FMNL2: variants seen among roughly 807,000 people sequenced by gnomAD.
FMNL2 encodes formin like 2, also known as formin-like protein 2.
FMNL2 carries 51 observed loss-of-function variants against 130.2 expected under a neutral mutation model. The observed-to-expected ratio is 0.39, with a 90% confidence interval of 0.31 to 0.49. The LOEUF (loss-of-function observed/expected upper bound fraction) is 0.49. Among genes scored for constraint, FMNL2 ranks in the 20% least tolerant of loss-of-function variants. FMNL2 has a pLI of 0.85. For synonymous variants in FMNL2, 465 were observed against 467.1 expected, an observed-to-expected ratio of 1.00 and a Z score of 0.06; for missense variants, 977 against 1,316.2, an observed-to-expected ratio of 0.74 and a Z score of 3.99.
intron 1 of FMNL2, among the ~76,000 whole-genome samples, chr2:152,474,565 A>G (rs960481232): frequency 6.6e-6 from 1 of 152,172 alleles, no homozygotes; most frequent in African/African-American, 2.4e-5. Context: ...GCACGCCTGT[A>G]GTCCCAGCTA....
At chr2:152,418,336 A>G (rs761201056) in intron 1 of FMNL2, among the ~76,000 whole-genome samples, 2 of 152,170 alleles carry the variant, frequency 1.3e-5, no homozygotes, top group African/African-American at 4.8e-5. Context: ...ATTTTTAAGC[A>G]TACGGTTCAG....
intron 16 of FMNL2, 56 bp from the exon 17 acceptor site, chr2:152,626,469 C>T (rs1420419282): frequency 2.7e-5 from 39 of 1,456,106 alleles, no homozygotes; most frequent in East Asian, 9.8e-5. Context: ...TGGTGGCTTC[C>T]GGACTTCATT....
intron 6 of FMNL2, among the ~76,000 whole-genome samples, chr2:152,571,300 A>G (rs1039674330): frequency 6.6e-6 from 1 of 152,186 alleles, no homozygotes; most frequent in African/African-American, 2.4e-5. Flanking sequence ...AACATGCACC[A>G]TTAGCTGTTG....
chr2:152,457,506 A>G (rs1305717085), intron 1 of FMNL2, among the ~76,000 whole-genome samples: 17 of 152,198 alleles, frequency 1.1e-4, no homozygotes, highest in Admixed American at 1.1e-3. Context: ...CAAAGTAGTG[A>G]CACTTACCAC....
At chr2:152,346,801 G>A (rs1421042815) in intron 1 of FMNL2, among the ~76,000 whole-genome samples, 1 of 151,952 alleles carries the variant, frequency 6.6e-6, no homozygotes, top group East Asian at 1.9e-4. Flanking sequence ...GGCCAGGCAC[G>A]GTGGCTCAGA....
chr2:152,508,993 C>G (rs996912901), intron 1 of FMNL2, among the ~76,000 whole-genome samples: 1 of 152,200 alleles, frequency 6.6e-6, no homozygotes, highest in South Asian at 2.1e-4. Context: ...GTGCGCCCAC[C>G]CTGGAAAATG....
intron 3 of FMNL2, among the ~76,000 whole-genome samples, chr2:152,545,268 G>A (rs1164323807): frequency 6.6e-6 from 1 of 152,150 alleles, no homozygotes; most frequent in Non-Finnish European, 1.5e-5. Context: ...GTATTATGGT[G>A]GGGGAGAAAA....
chr2:152,426,927 A>AT (rs1579636980), intron 1 of FMNL2, among the ~76,000 whole-genome samples: 2 of 149,448 alleles, frequency 1.3e-5, no homozygotes, highest in East Asian at 5.5e-4. Flanking sequence ...AAAGAAATAC[A>AT]TAAAAAATCA....
chr2:152,478,229 C>CATAT (rs1553462980), intron 1 of FMNL2, among the ~76,000 whole-genome samples: 1 of 116,906 alleles, frequency 8.6e-6, no homozygotes, highest in Admixed American at 1.0e-4. Flanking sequence ...TACATATATA[C>CATAT]ATATATATAT....
chr2:152,440,102 G>T (rs559140714), intron 1 of FMNL2, among the ~76,000 whole-genome samples: 1 of 151,990 alleles, frequency 6.6e-6, no homozygotes, highest in African/African-American at 2.4e-5. Context: ...AAGAATTGGG[G>T]CTTTACTGCA....
At chr2:152,625,672 C>T in intron 16 of FMNL2, 110 bp downstream of exon 16, 1 of 1,264,772 alleles carries the variant, frequency 7.9e-7, no homozygotes, top group Non-Finnish European at 1.1e-6. Flanking sequence ...GTTTTAAGTC[C>T]CCTGATGTAA....
chr2:152,642,259 G>A (rs571845624), intron 25 of FMNL2, among the ~76,000 whole-genome samples: 1 of 152,214 alleles, frequency 6.6e-6, no homozygotes, highest in East Asian at 1.9e-4. Context: ...TCTTGTTATA[G>A]CTTAGTGAAC....
rs1695377924 is a variant in FMNL2 at position 152,558,896 on chromosome 2, T to C, written c.443+73T>C. 4 of 1,336,186 alleles carry C rather than the reference T, an allele frequency of 3.0e-6. No homozygotes were observed. The Admixed American group carries it at 7.8e-5, about 26-fold the overall frequency. The allele number at this position is 1,336,186 out of a possible 1,614,324, so 82.8% of individuals were successfully genotyped here. On this transcript the variant is annotated intron_variant, in intron 5 of 25. Coordinates refer to ENST00000288670, the MANE Select transcript of FMNL2 (RefSeq NM_052905.4). Reference sequence around the variant, plus strand: ...CAGATGCTACTCAGTGGTAAAATTATACACCACAGAGAGGGCAGAAACTCA... The same window carrying C: ...CAGATGCTACTCAGTGGTAAAATTACACACCACAGAGAGGGCAGAAACTCA...
intron 1 of FMNL2, among the ~76,000 whole-genome samples, chr2:152,346,528 C>T (rs1462676054): frequency 6.6e-6 from 1 of 151,636 alleles, no homozygotes; most frequent in African/African-American, 2.4e-5. Flanking sequence ...CTTAGTGGCA[C>T]ACTCCCTGTA....
intron 1 of FMNL2, among the ~76,000 whole-genome samples, chr2:152,358,636 CA>C (rs33921980): frequency 1.9e-3 from 266 of 137,516 alleles, no homozygotes; most frequent in Middle Eastern, 0.011. Context: ...GACTGCATCT[CA>C]AAAAAAAAAA....
intron 1 of FMNL2, among the ~76,000 whole-genome samples, chr2:152,445,249 A>G (rs1281321456): frequency 6.6e-6 from 1 of 152,218 alleles, no homozygotes; most frequent in Admixed American, 6.5e-5. Context: ...CAATTCTGTG[A>G]TGCTTTTCCC....
intron 1 of FMNL2, among the ~76,000 whole-genome samples, chr2:152,357,238 A>G (rs1279797702): frequency 5.7e-5 from 2 of 35,076 alleles, no homozygotes; most frequent in Non-Finnish European, 1.2e-4. Context: ...CACGATAAAT[A>G]TTAAATCAGT....
intron 1 of FMNL2, among the ~76,000 whole-genome samples, chr2:152,388,535 G>A (rs1467113062): frequency 1.3e-5 from 2 of 152,080 alleles, no homozygotes; most frequent in African/African-American, 2.4e-5. Context: ...CTTCCACCGA[G>A]TCCCTCCCAT....
At chr2:152,622,655 A>C (rs1385534925) in intron 15 of FMNL2, 1 of 450,874 alleles carries the variant, frequency 2.2e-6, no homozygotes, top group Non-Finnish European at 4.5e-6. Context: ...GCTTTGATCC[A>C]TTGCATTTTG....
Sources: gnomAD v4.1 joint callset for allele counts (sites outside exome capture counted in the v4.1 genomes callset) on GRCh38, gnomAD v4.1.1 for gene constraint, MANE v1.5 for transcripts, NCBI Gene and HGNC (gene_info 2026-07-23, HGNC 2026-07-21) for gene names.